The following SYTL5 variants were observed in gnomAD, a reference collection of about 807,000 sequenced individuals.
SYTL5 encodes synaptotagmin like 5.
SYTL5 carries 34 observed loss-of-function variants against 55.9 expected under a neutral mutation model. That is an observed-to-expected ratio of 0.61 (90% confidence interval 0.46 to 0.81). The LOEUF (loss-of-function observed/expected upper bound fraction) is 0.81. Ranked by LOEUF, SYTL5 falls within the 30% of genes least tolerant of loss-of-function variation. The pLI, the probability that SYTL5 is intolerant of heterozygous loss-of-function variation, is 0.00. For synonymous variants in SYTL5, 221 were observed against 188.7 expected, an observed-to-expected ratio of 1.17 and a Z score of -1.40; for missense variants, 637 against 546.7, an observed-to-expected ratio of 1.17 and a Z score of -1.65.
chrX:38,093,958 C>T (rs1270949845), intron 7 of SYTL5, among the ~76,000 whole-genome samples: 1 of 111,185 alleles, frequency 9.0e-6, no homozygotes, highest in Non-Finnish European at 1.9e-5. Context: ...TGAATCTTGA[C>T]AGATTATTAT....
At chrX:38,081,403 T>C (rs868806818) in intron 6 of SYTL5, among the ~76,000 whole-genome samples, 1 of 111,208 alleles carries the variant, frequency 9.0e-6, no homozygotes, top group South Asian at 3.8e-4. Context: ...CAGTGGGAGA[T>C]ACACAGTCTG....
chrX:38,056,754 A>T (rs1443161813), intron 3 of SYTL5, among the ~76,000 whole-genome samples: 1 of 111,826 alleles, frequency 8.9e-6, no homozygotes. Flanking sequence ...TGCCATTTGT[A>T]TGTCTTCTTT....
the SYTL5 span, among the ~76,000 whole-genome samples, chrX:37,897,365 C>T: frequency 2.9e-4 from 32 of 109,546 alleles, no homozygotes; most frequent in African/African-American, 1.0e-3. Context: ...CACCTGTAGT[C>T]CCAGCTATTT....
chrX:38,040,516 T>A (rs1439783453), intron 2 of SYTL5, among the ~76,000 whole-genome samples: 1 of 102,655 alleles, frequency 9.7e-6, no homozygotes, highest in African/African-American at 3.5e-5. Flanking sequence ...CCTTCTACTA[T>A]CTATGTCCAG....
At chrX:38,076,076 A>C (rs1000624481) in intron 5 of SYTL5, among the ~76,000 whole-genome samples, 1 of 112,056 alleles carries the variant, frequency 8.9e-6, no homozygotes, top group Admixed American at 9.5e-5. Context: ...GTTGGATTCC[A>C]GTATAAGCCA....
intron 13 of SYTL5, among the ~76,000 whole-genome samples, chrX:38,119,004 G>A (rs1375717517): frequency 1.0e-5 from 1 of 98,872 alleles, no homozygotes; most frequent in East Asian, 3.0e-4. Flanking sequence ...TTGAGAGATA[G>A]GGTCTCACTG....
At chrX:37,961,073 C>A in the SYTL5 span, among the ~76,000 whole-genome samples, 2,038 of 110,479 alleles carry the variant, frequency 0.018, 43 homozygotes, top group African/African-American at 0.064. Context: ...TGTGAGCCAC[C>A]GCGCCCGGCC....
chrX:37,976,844 T>G, the SYTL5 span, among the ~76,000 whole-genome samples: 2 of 106,462 alleles, frequency 1.9e-5, no homozygotes, highest in African/African-American at 3.4e-5. Context: ...TGCACAACTG[T>G]AGTCCCAGCT....
chrX:38,040,456 C>A (rs1935250686), intron 2 of SYTL5, among the ~76,000 whole-genome samples: 1 of 103,694 alleles, frequency 9.6e-6, no homozygotes, highest in African/African-American at 3.6e-5. Flanking sequence ...ATTAACCATC[C>A]CCCCCCCGAC....
rs1338277787 is a variant in SYTL5, at chrX:38,054,425, G to T, written c.329+3G>T. On this transcript the variant is annotated splice_donor_region_variant and intron_variant, in intron 3 of 16. Transcript: ENST00000297875. Reference sequence around the variant, plus strand: ...TGCACTGTCTGTGACAAAATCGCGTGAGTTTCTTGATTTTTCATGGAAAGT... The same window carrying T: ...TGCACTGTCTGTGACAAAATCGCGTTAGTTTCTTGATTTTTCATGGAAAGT... 3.3e-6 allele frequency: 4 copies of T among 1,203,269 alleles called. No homozygotes were observed.
At chrX:37,951,351 C>T in the SYTL5 span, among the ~76,000 whole-genome samples, 1 of 111,122 alleles carries the variant, frequency 9.0e-6, no homozygotes. Flanking sequence ...CAGAAAATAT[C>T]AAAAGCATTT....
intron 15 of SYTL5, among the ~76,000 whole-genome samples, chrX:38,122,577 C>T (rs1409981829): frequency 8.9e-6 from 1 of 112,041 alleles, no homozygotes; most frequent in Non-Finnish European, 1.9e-5. Context: ...GCAACAATCA[C>T]CAAAATATCA....
chrX:38,026,749 A>G (rs1934790372), intron 1 of SYTL5, among the ~76,000 whole-genome samples: 1 of 111,433 alleles, frequency 9.0e-6, no homozygotes, highest in African/African-American at 3.3e-5. Flanking sequence ...TCTTGTCACC[A>G]TCTTGGTTTT....
At chrX:37,984,624 T>C in the SYTL5 span, among the ~76,000 whole-genome samples, 1 of 111,570 alleles carries the variant, frequency 9.0e-6, no homozygotes, top group Admixed American at 9.5e-5. Context: ...GCTAACTTCC[T>C]AAATCATCCT....
At chrX:38,107,327 T>A (rs969365878) in intron 11 of SYTL5, among the ~76,000 whole-genome samples, 1 of 111,722 alleles carries the variant, frequency 9.0e-6, no homozygotes, top group Non-Finnish European at 1.9e-5. Context: ...AAGAGGCACA[T>A]GGGGCAAAGT....
intron 13 of SYTL5, among the ~76,000 whole-genome samples, chrX:38,112,219 C>T (rs1249971463): frequency 4.5e-5 from 5 of 111,704 alleles, no homozygotes; most frequent in African/African-American, 1.6e-4. Context: ...CCTCGGGCTA[C>T]TGTAGCTTTT....
chrX:38,088,240 T>G (rs1476451085), intron 6 of SYTL5, among the ~76,000 whole-genome samples: 1 of 111,950 alleles, frequency 8.9e-6, no homozygotes, highest in African/African-American at 3.2e-5. Context: ...AGTAATGATA[T>G]GTGCACATTT....
chrX:37,930,139 G>A, the SYTL5 span, among the ~76,000 whole-genome samples: 3 of 111,826 alleles, frequency 2.7e-5, no homozygotes, highest in Non-Finnish European at 5.7e-5. Flanking sequence ...TGACCCGTCC[G>A]CTGAGATGGT....
At chrX:37,966,147 T>C in the SYTL5 span, among the ~76,000 whole-genome samples, 1 of 111,875 alleles carries the variant, frequency 8.9e-6, no homozygotes, top group African/African-American at 3.2e-5. Flanking sequence ...TGTCAATCAA[T>C]TTCTGTCTGT....
Sources: gnomAD v4.1 joint callset for allele counts (sites outside exome capture counted in the v4.1 genomes callset) on GRCh38, gnomAD v4.1.1 for gene constraint, MANE v1.5 for transcripts, NCBI Gene and HGNC (gene_info 2026-07-23, HGNC 2026-07-21) for gene names.